The following TMEM273 variants were observed in gnomAD, a reference collection of about 807,000 sequenced individuals.
The protein encoded by TMEM273 is transmembrane protein 273.
A neutral mutation model predicts 17.9 loss-of-function variants in TMEM273; 19 were observed. That is an observed-to-expected ratio of 1.06 (90% CI 0.74 to 1.55). The LOEUF (loss-of-function observed/expected upper bound fraction) is 1.55. Among genes scored for constraint, TMEM273 ranks in the 40% most tolerant of loss-of-function variants. The pLI, the probability that TMEM273 is intolerant of heterozygous loss-of-function variation, is 0.00. For missense variants in TMEM273, 194 were observed against 155.6 expected (o/e 1.25, Z -1.31); for synonymous variants, 66 against 62.0 (o/e 1.07, Z -0.31).
At chr10:49,163,492 G>A (rs1845980089) in intron 5 of TMEM273, among the ~76,000 whole-genome samples, 1 of 152,150 alleles carries the variant, frequency 6.6e-6, no homozygotes. Flanking sequence ...CACTTCACAG[G>A]CCCACTCAAT....
In TMEM273 at chr10:49,188,309, T is replaced by A. The variant is rs897698741; in HGVS notation, c.28A>T (p.Ile10Phe). 1 of 1,614,068 alleles carries A rather than the reference T, an allele frequency of 6.2e-7. No homozygotes were observed. The highest frequency in any genetic ancestry group is 1.7e-4 in the Middle Eastern group (1 of 6,060). Residue 10 changes from isoleucine (I) to phenylalanine (F), a missense_variant, in exon 1 of 7, where the codon ATC (isoleucine) becomes TTC (phenylalanine). Transcript: ENST00000374153. MNLGVSMLR[I>F]LFLLDVGGAQ... is the part of the protein sequence containing the mutation. ...CCCCACTTACCCAGGAGGAAGAGGA[T>A]CCTCAGCATGCTGACCCCCAAGTTC...
At chr10:49,156,313 T>C (rs1845505405) in intron 6 of TMEM273, 2 of 1,293,818 alleles carry the variant, frequency 1.5e-6, no homozygotes, top group Non-Finnish European at 2.0e-6. Context: ...AAATAATGCC[T>C]TCACATCTGA....
At chr10:49,160,083 A>G (rs185341142) in intron 6 of TMEM273, among the ~76,000 whole-genome samples, 2 of 152,360 alleles carry the variant, frequency 1.3e-5, no homozygotes, top group East Asian at 3.9e-4. Context: ...CTGGAATTAG[A>G]AAGTCAATAT....
intron 6 of TMEM273, among the ~76,000 whole-genome samples, chr10:49,158,011 A>C (rs1331181184): frequency 6.6e-6 from 1 of 152,204 alleles, no homozygotes; most frequent in Non-Finnish European, 1.5e-5. Flanking sequence ...CAAAATCAAA[A>C]TACAATCAAT....
At chr10:49,164,616 T>C (rs1321273109) in intron 5 of TMEM273, among the ~76,000 whole-genome samples, 1 of 152,206 alleles carries the variant, frequency 6.6e-6, no homozygotes, top group Non-Finnish European at 1.5e-5. Context: ...CTTCCTTCCA[T>C]ATCGTCACAT....
chr10:49,156,348 G>C (rs1845507500), intron 6 of TMEM273: 1 of 1,151,220 alleles, frequency 8.7e-7, no homozygotes, highest in Non-Finnish European at 1.2e-6. Flanking sequence ...CAGAGGGTGA[G>C]ACTTCTCTGT....
At position 49,163,080 on chromosome 10, in the gene TMEM273, C is replaced by A. The variant is rs940906808; in HGVS notation, c.349-1458G>T. 2.0e-5 allele frequency among the ~76,000 whole-genome samples: 3 copies of A among 152,242 alleles called. No individual in the cohort carries two copies. The East Asian group carries it at 5.8e-4, about 29-fold the overall frequency. On this transcript the variant is annotated intron_variant, in intron 5 of 6. Transcript: ENST00000374153. The stretch of plus-strand genomic sequence containing the variant: ...TAGGAGAACCTGTGATTGTGCCAAC[C>A]CCCCTAGGGCTAGAAGAACACAGAG...
chr10:49,179,097 G>A (rs1847182002), intron 1 of TMEM273, among the ~76,000 whole-genome samples: 1 of 152,200 alleles, frequency 6.6e-6, no homozygotes, highest in South Asian at 2.1e-4. Context: ...AGGGGAGAGT[G>A]AGCCCAGTCC....
chr10:49,177,436 C>A (rs542769451), intron 1 of TMEM273, among the ~76,000 whole-genome samples: 296 of 152,244 alleles, frequency 1.9e-3, no homozygotes, highest in Non-Finnish European at 3.3e-3. Flanking sequence ...CCTGAACTCT[C>A]AAAACAAGAT....
intron 1 of TMEM273, among the ~76,000 whole-genome samples, chr10:49,184,866 T>G (rs557263824): frequency 3.7e-4 from 57 of 152,356 alleles, no homozygotes; most frequent in Non-Finnish European, 7.1e-4. Flanking sequence ...AGTATGGGAA[T>G]GGATAAATAA....
chr10:49,187,097 T>G (rs989168924), intron 1 of TMEM273, among the ~76,000 whole-genome samples: 2 of 152,238 alleles, frequency 1.3e-5, no homozygotes, highest in Non-Finnish European at 2.9e-5. Context: ...AGTTTGTTTA[T>G]CTAGGTAAGT....
intron 4 of TMEM273, 99 bp from the exon 5 acceptor site, chr10:49,165,382 CCTTGATG>C: frequency 6.5e-7 from 1 of 1,536,056 alleles, no homozygotes; most frequent in Non-Finnish European, 8.8e-7. Flanking sequence ...GAGCAGGGTA[CCTTGATG>C]CCAGCAGGGA....
chr10:49,187,398 C>T (rs1847792947), intron 1 of TMEM273, among the ~76,000 whole-genome samples: 3 of 152,206 alleles, frequency 2.0e-5, no homozygotes, highest in Admixed American at 2.0e-4. Context: ...CAGGATACAA[C>T]CTATTGGTCT....
At position 49,155,063 on chromosome 10, in the gene TMEM273, A is replaced by T. The variant is rs1470116391; in HGVS notation, c.*829T>A. 1 of 152,270 alleles carries T rather than the reference A, an allele frequency of 6.6e-6. No homozygotes were observed. The highest frequency in any genetic ancestry group is 1.9e-4 in the East Asian group (1 of 5,202). 9.4% of individuals were successfully genotyped at this position (152,270 alleles called of 1,614,324 possible). A position where few individuals can be genotyped will look rare whatever the true frequency, so the allele number is the denominator to read the frequency against. ...GAAATGCTCACGGGGCCTTAGCCTG[A>T]TGGCAATTGTAGAATGTCATGGCTT... On this transcript the variant is annotated 3_prime_UTR_variant, in exon 7 of 7. Coordinates refer to ENST00000374153, the MANE Select transcript of TMEM273 (RefSeq NM_001288740.3).
chr10:49,159,593 T>C (rs1446387031), intron 6 of TMEM273, among the ~76,000 whole-genome samples: 7 of 152,256 alleles, frequency 4.6e-5, no homozygotes, highest in Non-Finnish European at 1.0e-4. Flanking sequence ...TTCGTGACTC[T>C]GCCCATTGAA....
intron 6 of TMEM273, among the ~76,000 whole-genome samples, chr10:49,159,408 T>G (rs1367946161): frequency 6.6e-6 from 1 of 152,190 alleles, no homozygotes; most frequent in Non-Finnish European, 1.5e-5. Flanking sequence ...TATAGCTGCA[T>G]AGTGCTCTAA....
At chr10:49,178,539 C>T (rs1564642982) in intron 1 of TMEM273, 3 of 309,384 alleles carry the variant, frequency 9.7e-6, no homozygotes, top group Non-Finnish European at 2.0e-5. Flanking sequence ...TCCCTGAGAC[C>T]AGGGAGCAGG....
chr10:49,180,026 T>C (rs1263789239), intron 1 of TMEM273, among the ~76,000 whole-genome samples: 4 of 152,172 alleles, frequency 2.6e-5, no homozygotes, highest in Non-Finnish European at 1.5e-5. Flanking sequence ...GAGGGTCACA[T>C]GGGGAAGAGA....
At chr10:49,161,376 G>T in intron 6 of TMEM273, 1 of 603,422 alleles carries the variant, frequency 1.7e-6, no homozygotes. Context: ...CTGGGCAAAT[G>T]CCCCACAGCT....
Sources: gnomAD v4.1 joint callset for allele counts (sites outside exome capture counted in the v4.1 genomes callset) on GRCh38, gnomAD v4.1.1 for gene constraint, MANE v1.5 for transcripts, NCBI Gene and HGNC (gene_info 2026-07-23, HGNC 2026-07-21) for gene names.